IL31RA: variants seen among roughly 807,000 people sequenced by gnomAD.
IL31RA encodes interleukin-31 receptor subunit alpha.
In IL31RA, 66 loss-of-function variants were observed where a neutral mutation model predicts 83.7. That is an observed-to-expected ratio of 0.79 (90% CI 0.65 to 0.97). The LOEUF (loss-of-function observed/expected upper bound fraction) is 0.97. Among genes scored for constraint, IL31RA ranks in the 50% least tolerant of loss-of-function variants. IL31RA has a pLI of 0.00. For synonymous variants in IL31RA, 325 were observed against 329.0 expected (o/e 0.99, Z 0.13); for missense variants, 798 against 919.4 (o/e 0.87, Z 1.71).
intron 4 of IL31RA, among the ~76,000 whole-genome samples, chr5:55,876,420 T>A (rs1561549904): frequency 6.6e-6 from 1 of 152,132 alleles, no homozygotes; most frequent in Non-Finnish European, 1.5e-5. Flanking sequence ...ATATATATAT[T>A]TTGATCTCTA....
At position 55,910,518 on chromosome 5, in the gene IL31RA, TATTTTTCCTTTAGC is replaced by T; in HGVS notation, c.1502-13_1502del. The T allele has an allele frequency of 6.2e-7, 1 of 1,614,088 alleles. No homozygotes were observed. The highest frequency in any genetic ancestry group is 8.5e-7 in the Non-Finnish European group (1 of 1,179,974). On this transcript the variant is annotated splice_acceptor_variant and splice_polypyrimidine_tract_variant and coding_sequence_variant and intron_variant, in exon 12 of 15. Transcript: ENST00000652347. LOFTEE classifies it high-confidence loss of function. Reference sequence around the variant, plus strand: ...GTTTGGCTGTGGTGTTTGACCTTTGTATTTTTCCTTTAGCCAAGACAGTCAATTCCAGCATCTTG... The same window carrying T: ...GTTTGGCTGTGGTGTTTGACCTTTGTCAAGACAGTCAATTCCAGCATCTTG...
intron 12 of IL31RA, among the ~76,000 whole-genome samples, chr5:55,912,299 A>G (rs940640039): frequency 5.3e-5 from 8 of 152,172 alleles, no homozygotes; most frequent in African/African-American, 1.7e-4. Flanking sequence ...ATAACTTTCA[A>G]GGTCTTTCAT....
the IL31RA span, among the ~76,000 whole-genome samples, chr5:55,843,373 C>T: frequency 6.6e-6 from 1 of 152,086 alleles, no homozygotes; most frequent in Non-Finnish European, 1.5e-5. Flanking sequence ...GGAAGTAGTG[C>T]AGTCAGTGGT....
At chr5:55,907,529 C>A in intron 10 of IL31RA, 69 bp downstream of exon 10, 1 of 1,018,820 alleles carries the variant, frequency 9.8e-7, no homozygotes, top group Non-Finnish European at 1.6e-6. Context: ...GATAAGGCTG[C>A]AAGTGCCTGT....
At chr5:55,863,793 C>G (rs1005053126) in intron 2 of IL31RA, among the ~76,000 whole-genome samples, 1 of 152,230 alleles carries the variant, frequency 6.6e-6, no homozygotes, top group Admixed American at 6.5e-5. Context: ...CTCCAAAAAT[C>G]ATTGACACCT....
chr5:55,894,086 A>ATT (rs1748184632), intron 6 of IL31RA, among the ~76,000 whole-genome samples: 1 of 151,934 alleles, frequency 6.6e-6, no homozygotes, highest in African/African-American at 2.4e-5. Context: ...TGAGATGAAT[A>ATT]TTTAGGACTG....
intron 4 of IL31RA, among the ~76,000 whole-genome samples, chr5:55,880,399 T>C (rs1187124417): frequency 1.3e-5 from 2 of 152,188 alleles, no homozygotes; most frequent in African/African-American, 2.4e-5. Context: ...ATGTGATTAT[T>C]TTACATTGCA....
At chr5:55,870,974 A>G (rs1404481360) in intron 3 of IL31RA, among the ~76,000 whole-genome samples, 1 of 152,242 alleles carries the variant, frequency 6.6e-6, no homozygotes, top group African/African-American at 2.4e-5. Flanking sequence ...AAATGCAGAA[A>G]TATTCAACTA....
chr5:55,883,195 G>A lies in IL31RA; in HGVS notation c.606G>A (p.Trp202Ter), dbSNP rs1164862739. The stretch of plus-strand genomic sequence containing the variant: ...TCAGGACAGTCAACAGTACCAGCTG[G>A]GTAAGTTATGCCATTATAATAATAT... Reference protein sequence around the residue: ...LRFRTVNSTSWMEVNFAKNRK... With the variant: ...LRFRTVNSTS The change falls in exon 5 of 15, where the codon TGG (tryptophan) becomes TGA (stop). Residue 202 changes from tryptophan (W) to a stop codon, truncating the protein, a stop_gained and splice_region_variant. Coordinates refer to ENST00000652347, the MANE Select transcript of IL31RA (RefSeq NM_139017.7). LOFTEE classifies it high-confidence loss of function. The A allele has an allele frequency of 1.9e-6, 3 of 1,611,174 alleles. No individual in the cohort carries two copies. The highest frequency in any genetic ancestry group is 1.7e-5 in the Admixed American group (1 of 59,864).
chr5:55,882,736 A>G (rs1018551944), intron 4 of IL31RA, among the ~76,000 whole-genome samples: 1 of 152,070 alleles, frequency 6.6e-6, no homozygotes, highest in Non-Finnish European at 1.5e-5. Context: ...AATAAGAGAG[A>G]CAGCCTATTT....
At chr5:55,914,766 A>C (rs1749689170) in intron 13 of IL31RA, 81 bp from the exon 14 acceptor site, 1 of 1,000,162 alleles carries the variant, frequency 1.0e-6, no homozygotes, top group Admixed American at 1.7e-5. Context: ...CCTTTAGCAC[A>C]GCCTCACTCT....
chr5:55,867,208 T>C (rs1242066794), intron 2 of IL31RA, among the ~76,000 whole-genome samples: 3 of 93,968 alleles, frequency 3.2e-5, no homozygotes, highest in South Asian at 3.7e-4. Context: ...TTTGTGTGTG[T>C]GCGCATGTGT....
At chr5:55,896,820 C>T (rs1301437457) in intron 7 of IL31RA, among the ~76,000 whole-genome samples, 7 of 69,566 alleles carry the variant, frequency 1.0e-4, no homozygotes, top group African/African-American at 2.3e-4. Flanking sequence ...TCCCCACCGC[C>T]GCCTTTCTTT....
At chr5:55,884,701 G>A (rs905599280) in intron 5 of IL31RA, among the ~76,000 whole-genome samples, 5 of 152,202 alleles carry the variant, frequency 3.3e-5, no homozygotes, top group African/African-American at 1.2e-4. Flanking sequence ...GATTACAGGT[G>A]TGAGCCATCA....
chr5:55,867,333 G>A (rs1359812498), intron 2 of IL31RA, among the ~76,000 whole-genome samples: 1 of 151,626 alleles, frequency 6.6e-6, no homozygotes, highest in Non-Finnish European at 1.5e-5. Context: ...GTGTGTGTGT[G>A]TGTATGTTTA....
chr5:55,857,509 G>A (rs1745430438), intron 1 of IL31RA, among the ~76,000 whole-genome samples: 1 of 152,178 alleles, frequency 6.6e-6, no homozygotes, highest in Admixed American at 6.5e-5. Flanking sequence ...TCATCCTAAT[G>A]GCAAGGCTTG....
chr5:55,870,504 C>T (rs967258481), intron 3 of IL31RA, among the ~76,000 whole-genome samples: 3 of 152,178 alleles, frequency 2.0e-5, no homozygotes, highest in East Asian at 1.9e-4. Flanking sequence ...AATCTGGGCA[C>T]CTTTATAGGT....
At chr5:55,856,346 A>G (rs1465558609) in intron 1 of IL31RA, among the ~76,000 whole-genome samples, 1 of 152,240 alleles carries the variant, frequency 6.6e-6, no homozygotes, top group Non-Finnish European at 1.5e-5. Flanking sequence ...GATCCCACCA[A>G]TGTGAGATTG....
chr5:55,910,083 T>C (rs1749410430), intron 11 of IL31RA, among the ~76,000 whole-genome samples: 5 of 152,254 alleles, frequency 3.3e-5, no homozygotes, highest in South Asian at 2.1e-4. Flanking sequence ...CTTTTCGTTA[T>C]TGAATTTATA....
Sources: gnomAD v4.1 joint callset for allele counts (sites outside exome capture counted in the v4.1 genomes callset) on GRCh38, gnomAD v4.1.1 for gene constraint, MANE v1.5 for transcripts, NCBI Gene and HGNC (gene_info 2026-07-23, HGNC 2026-07-21) for gene names.